The following CDH15 variants were observed in gnomAD, a reference collection of about 807,000 sequenced individuals.
The protein encoded by CDH15 is cadherin 15.
A neutral mutation model predicts 69.4 loss-of-function variants in CDH15; 73 were observed. The ratio of observed to expected loss-of-function variants is 1.05; its 90% CI spans 0.87 to 1.28. The LOEUF is 1.28. Among genes scored for constraint, CDH15 ranks in the 50% most tolerant of loss-of-function variants. The pLI is 0.00. For missense variants in CDH15, 1,343 were observed against 1,133.6 expected, an observed-to-expected ratio of 1.18 and a Z score of -2.65; for synonymous variants, 624 against 507.7, an observed-to-expected ratio of 1.23 and a Z score of -3.08.
intron 1 of CDH15, among the ~76,000 whole-genome samples, chr16:89,174,178 A>G (rs370117001): frequency 3.5e-4 from 53 of 152,286 alleles, no homozygotes; most frequent in African/African-American, 1.0e-3. Context: ...TGAAGCCCGC[A>G]GCAGCTAGAG....
chr16:89,192,365 C>T lies in CDH15; in HGVS notation c.1776C>T (p.Ala592=). 1 of 1,538,606 alleles carries T rather than the reference C, an allele frequency of 6.5e-7. No homozygotes were observed. Among genetic ancestry groups the T allele is most frequent in the Middle Eastern group, 1.9e-4 (1 of 5,292 alleles). The part of the protein sequence containing the change: ...CGKDGVCLPG[A]AALLAGGTGL... ...AGGACGGCGTCTGCCTGCCGGGGGC[C>T]GCAGCGCTGCTGGCGGGGGGCACAG... Residue 592 remains alanine, a synonymous_variant, in exon 11 of 14, where the codon GCC becomes GCT. Coordinates refer to ENST00000289746, the MANE Select transcript of CDH15 (RefSeq NM_004933.3).
At position 89,195,071 on chromosome 16, in the gene CDH15, G is replaced by A. The variant is rs1915771724; in HGVS notation, c.2361G>A (p.Glu787=). Reference sequence around the variant, plus strand: ...TGTATGGGCACCCGTGCGGGTTGGAGTACGGGGCCAGATGGGACCACCAGG... The same window carrying A: ...TGTATGGGCACCCGTGCGGGTTGGAATACGGGGCCAGATGGGACCACCAGG... ...ADMYGHPCGL[E]YGARWDHQAR... is the part of the protein sequence containing the mutation. Residue 787 remains glutamate (E), a synonymous_variant, in exon 14 of 14, where the codon GAG becomes GAA. Coordinates refer to ENST00000289746, the MANE Select transcript of CDH15 (RefSeq NM_004933.3). The A allele has an allele frequency of 6.2e-7, 1 of 1,612,424 alleles. No homozygotes were observed. Among genetic ancestry groups the A allele is most frequent in the Non-Finnish European group, 8.5e-7 (1 of 1,179,808 alleles).
At chr16:89,179,372 G>A in intron 1 of CDH15, 44 bp from the exon 2 acceptor site, 1 of 1,611,086 alleles carries the variant, frequency 6.2e-7, no homozygotes, top group Non-Finnish European at 8.5e-7. Flanking sequence ...GCCGCCCAGG[G>A]CTCCAGGAGA....
chr16:89,179,375 C>G, intron 1 of CDH15, 41 bp from the exon 2 acceptor site: 2 of 1,611,874 alleles, frequency 1.2e-6, no homozygotes, highest in Non-Finnish European at 1.7e-6. Flanking sequence ...GCCCAGGGCT[C>G]CAGGAGACGG....
chr16:89,179,804 C>T (rs980396799), intron 2 of CDH15, among the ~76,000 whole-genome samples: 12 of 152,238 alleles, frequency 7.9e-5, no homozygotes, highest in Non-Finnish European at 1.5e-4. Flanking sequence ...TGCTCCCACC[C>T]CACATGCGCC....
Position 89,188,144 on chromosome 16 carries a change from A to G in CDH15, c.837A>G (p.Gly279=), listed in dbSNP as rs1266633320. 1.9e-6 allele frequency: 3 copies of G among 1,613,280 alleles called. No individual in the cohort carries two copies. Among genetic ancestry groups the G allele is most frequent in the Non-Finnish European group, 2.5e-6 (3 of 1,179,810 alleles). The change falls in exon 7 of 14, where the codon GGA becomes GGG. Residue 279 remains glycine, a synonymous_variant. Transcript: ENST00000289746. ...AGGCCGTCAGCGGAGTGGATGTGGG[A>G]CGCCTGGAAGTGGAGGACAGGGACC... The part of the protein sequence containing the change: ...AIEAVSGVDV[G]RLEVEDRDLP...
In CDH15 at chr16:89,172,192, G is replaced by A. The variant is rs112114043; in HGVS notation, c.42+319G>A. On this transcript the variant is annotated intron_variant, in intron 1 of 13. Transcript: ENST00000289746. ...GGAGGAACCGCTGCCGGGGTCTGGG[G>A]GTTGCCAGTCTTGAGTGGAGCAGAG... Among the ~76,000 whole-genome samples, 1,220 of 152,272 alleles carry A rather than the reference G, an allele frequency of 8.0e-3. 15 individuals carry two copies. Among genetic ancestry groups the A allele is most frequent in the African/African-American group, 0.027 (1,128 of 41,556 alleles).
At chr16:89,191,943 C>A in intron 10 of CDH15, 49 bp downstream of exon 10, 1 of 1,487,172 alleles carries the variant, frequency 6.7e-7, no homozygotes, top group Non-Finnish European at 9.0e-7. Context: ...GCTCCCCCCA[C>A]CCCCACATTC....
rs531371111 is a variant in CDH15 at position 89,173,531 on chromosome 16, G to A, written c.42+1658G>A. Among the ~76,000 whole-genome samples the A allele has an allele frequency of 5.3e-4, 80 of 152,274 alleles. 1 individual carries two copies. The highest frequency in any genetic ancestry group is 1.7e-3 in the African/African-American group (71 of 41,560). On this transcript the variant is annotated intron_variant, in intron 1 of 13. Transcript: ENST00000289746. ...GGGGAGGTGGTGGAGGTGGGGGCCAGATGGCAAGGGGACTATCGCCAAGGC... is the reference window on the plus strand; with the variant it reads ...GGGGAGGTGGTGGAGGTGGGGGCCAAATGGCAAGGGGACTATCGCCAAGGC...
intron 3 of CDH15, among the ~76,000 whole-genome samples, chr16:89,181,537 G>T (rs1915376651): frequency 6.6e-6 from 1 of 152,198 alleles, no homozygotes; most frequent in South Asian, 2.1e-4. Context: ...CAGCTGCTTG[G>T]AAGGCTGAGG....
intron 1 of CDH15, among the ~76,000 whole-genome samples, chr16:89,173,704 G>A (rs757394804): frequency 2.0e-5 from 3 of 152,210 alleles, no homozygotes; most frequent in East Asian, 1.9e-4. Context: ...GGCAGGCAGC[G>A]TGGGCCCATC....
intron 3 of CDH15, among the ~76,000 whole-genome samples, chr16:89,181,578 C>T (rs949891235): frequency 2.0e-5 from 3 of 151,998 alleles, no homozygotes; most frequent in Middle Eastern, 3.4e-3. Context: ...TCGACACTGC[C>T]GTGCGCCGTG....
chr16:89,177,575 C>T (rs1567770536), intron 1 of CDH15, among the ~76,000 whole-genome samples: 4 of 151,992 alleles, frequency 2.6e-5, no homozygotes, highest in African/African-American at 7.2e-5. Context: ...GCACAGGGGA[C>T]GGGGAGAGGG....
chr16:89,189,186 CACACAGATGCCCAT>C (rs1343783377), intron 7 of CDH15, among the ~76,000 whole-genome samples: 23 of 145,030 alleles, frequency 1.6e-4, no homozygotes, highest in Non-Finnish European at 2.5e-4. Context: ...GATGCCGGCA[CACACAGATGCCCAT>C]ACACAGATGC....
chr16:89,173,108 G>A (rs962574266), intron 1 of CDH15, among the ~76,000 whole-genome samples: 23 of 151,404 alleles, frequency 1.5e-4, no homozygotes, highest in Admixed American at 1.3e-4. Flanking sequence ...TGCCACCCCC[G>A]ACTCCCCCAT....
At position 89,192,222 on chromosome 16, in the gene CDH15, C is replaced by T; in HGVS notation, c.1633C>T (p.Arg545Trp). 6.5e-7 allele frequency: 1 copy of T among 1,529,068 alleles called. No individual in the cohort carries two copies. Among genetic ancestry groups the T allele is most frequent in the Non-Finnish European group, 8.7e-7 (1 of 1,144,510 alleles). 94.7% of individuals were successfully genotyped at this position (1,529,068 alleles called of 1,614,324 possible). A position where few individuals can be genotyped will look rare whatever the true frequency, so the allele number is the denominator to read the frequency against. ...SQVNVSHARL[R>W]PRHQVPEGLH... ...CTCCGCAGTGAGCCACGCGCGCCTG[C>T]GGCCGCGACACCAGGTCCCCGAAGG... Residue 545 changes from arginine (R) to tryptophan (W), a missense_variant, in exon 11 of 14, where the codon CGG becomes TGG. Transcript: ENST00000289746.
chr16:89,181,784 C>G (rs1915382048), intron 3 of CDH15, among the ~76,000 whole-genome samples: 1 of 151,812 alleles, frequency 6.6e-6, no homozygotes, highest in Non-Finnish European at 1.5e-5. Context: ...CTAAAAAATA[C>G]AAAAGTTAGC....
intron 9 of CDH15, 31 bp downstream of exon 9, chr16:89,191,503 G>T: frequency 6.2e-7 from 1 of 1,609,632 alleles, no homozygotes; most frequent in South Asian, 1.1e-5. Flanking sequence ...GGGGCTCCCT[G>T]ACCTGGCCTT....
chr16:89,193,478 C>T lies in CDH15; in HGVS notation c.1864C>T (p.Leu622=). The change falls in exon 12 of 14, where the codon CTG becomes TTG. Residue 622 remains leucine (L), a synonymous_variant. Coordinates refer to ENST00000289746, the MANE Select transcript of CDH15 (RefSeq NM_004933.3). ...GTCCCCTCATTCCCCAGTGCTGGTCCTGCTCGTGGCACTCCGGGCGCGGTT... is the reference window on the plus strand; with the variant it reads ...GTCCCCTCATTCCCCAGTGCTGGTCTTGCTCGTGGCACTCCGGGCGCGGTT... ...ASALLLLVLV[L]LVALRARFWK... is the part of the protein sequence containing the mutation. 6.2e-7 allele frequency: 1 copy of T among 1,611,232 alleles called. No homozygotes were observed. The highest frequency in any genetic ancestry group is 8.5e-7 in the Non-Finnish European group (1 of 1,179,546).
Sources: allele counts gnomAD v4.1 joint callset (sites outside exome capture counted in the v4.1 genomes callset), GRCh38; gene constraint gnomAD v4.1.1; transcripts MANE v1.5; gene names NCBI Gene and HGNC (gene_info 2026-07-23, HGNC 2026-07-21).